TDRP: variants seen among roughly 807,000 people sequenced by gnomAD.
The protein encoded by TDRP is testis development related protein.
Under a neutral mutation model 10.5 loss-of-function variants are expected in TDRP, and 12 were observed. The observed-to-expected ratio is 1.15, with a 90% CI of 0.73 to 1.86. The LOEUF is 1.86. Ranked by LOEUF, TDRP falls within the 40% of genes most tolerant of loss-of-function variation. The pLI is 0.00. For missense variants in TDRP, 353 were observed against 229.2 expected (o/e 1.54, Z -3.49); for synonymous variants, 139 against 95.4 (o/e 1.46, Z -2.67).
At chr8:499,497 C>G (rs1373546590) in intron 1 of TDRP, among the ~76,000 whole-genome samples, 2 of 152,202 alleles carry the variant, frequency 1.3e-5, no homozygotes, top group African/African-American at 4.8e-5. Flanking sequence ...CATCCCACCA[C>G]CAGCTTCCTG....
At chr8:527,348 A>G (rs1329252771) in intron 1 of TDRP, among the ~76,000 whole-genome samples, 2 of 152,178 alleles carry the variant, frequency 1.3e-5, no homozygotes, top group East Asian at 3.8e-4. Flanking sequence ...GCCCAAAGCA[A>G]TCTACAGATT....
rs1253364073 is a variant in TDRP, at chr8:490,181, A to G, written c.*2218T>C. 1 of 152,228 alleles carries G rather than the reference A, an allele frequency of 6.6e-6. No individual in the cohort carries two copies. Among genetic ancestry groups the G allele is most frequent in the Non-Finnish European group, 1.5e-5 (1 of 68,042 alleles). 9.4% of individuals were successfully genotyped at this position (152,228 alleles called of 1,614,324 possible). On this transcript the variant is annotated 3_prime_UTR_variant, in exon 3 of 3. Transcript: ENST00000324079. ...ATTTGCTTTGATAACTTCTTTCAAG[A>G]AAAGATAATTTTTCTCCCAAAGCAC... is the stretch of plus-strand genomic sequence containing the variant.
At chr8:510,553 G>C (rs1308446820) in intron 1 of TDRP, among the ~76,000 whole-genome samples, 2 of 152,126 alleles carry the variant, frequency 1.3e-5, no homozygotes, top group African/African-American at 4.8e-5. Flanking sequence ...TAAAAACAAT[G>C]AATGCCGGAA....
rs1336680453 is a variant in TDRP at position 490,118 on chromosome 8, C to G, written c.*2281G>C. On this transcript the variant is annotated 3_prime_UTR_variant, in exon 3 of 3. Transcript: ENST00000324079. ...TTTACACAATTCAAACACCCAGAATCAAAACCACATTCTCCCATTAACTTG... is the reference window on the plus strand; with the variant it reads ...TTTACACAATTCAAACACCCAGAATGAAAACCACATTCTCCCATTAACTTG... The G allele has an allele frequency of 6.6e-6, 1 of 152,174 alleles. No homozygotes were observed. Among genetic ancestry groups the G allele is most frequent in the Non-Finnish European group, 1.5e-5 (1 of 68,024 alleles). The allele number at this position is 152,174 out of a possible 1,614,324, so 9.4% of individuals were successfully genotyped here.
chr8:491,472 C>G lies in TDRP; in HGVS notation c.*927G>C. On this transcript the variant is annotated 3_prime_UTR_variant, in exon 3 of 3. Coordinates refer to ENST00000324079, the MANE Select transcript of TDRP (RefSeq NM_001384899.1). ...GCTCTCAAACCGGTCGTCGATTATT[C>G]TTGTGGAAAAAACACAGCTTCTTAC... The G allele has an allele frequency of 1.3e-6, 1 of 786,970 alleles. No homozygotes were observed. Among genetic ancestry groups the G allele is most frequent in the Non-Finnish European group, 1.8e-6 (1 of 544,222 alleles). The allele number at this position is 786,970 out of a possible 1,614,324, so 48.7% of individuals were successfully genotyped here.
At chr8:495,664 T>C (rs568685914) in intron 1 of TDRP, among the ~76,000 whole-genome samples, 2 of 152,334 alleles carry the variant, frequency 1.3e-5, no homozygotes, top group East Asian at 1.9e-4. Context: ...GAGCCAGCTT[T>C]AGAATACTTT....
intron 1 of TDRP, among the ~76,000 whole-genome samples, chr8:521,009 C>G (rs1245451597): frequency 2.0e-5 from 3 of 152,024 alleles, no homozygotes. Context: ...ATTGCCAAAT[C>G]CAATGCCCTG....
intron 1 of TDRP, among the ~76,000 whole-genome samples, chr8:539,405 A>C (rs1802432928): frequency 6.6e-6 from 1 of 152,148 alleles, no homozygotes; most frequent in Admixed American, 6.5e-5. Flanking sequence ...TGGAGAAATA[A>C]ATGTTTGTTG....
intron 1 of TDRP, among the ~76,000 whole-genome samples, chr8:524,197 T>C (rs562957239): frequency 4.6e-5 from 7 of 152,156 alleles, no homozygotes; most frequent in East Asian, 1.9e-4. Flanking sequence ...CAAAACCAAG[T>C]TGGTATGTCT....
At chr8:529,593 G>A (rs1381491922) in intron 1 of TDRP, among the ~76,000 whole-genome samples, 2 of 152,098 alleles carry the variant, frequency 1.3e-5, no homozygotes, top group African/African-American at 2.4e-5. Flanking sequence ...ATCTGGGAAG[G>A]TCTTTATTTG....
chr8:500,231 G>T (rs574399857), intron 1 of TDRP, among the ~76,000 whole-genome samples: 2 of 152,126 alleles, frequency 1.3e-5, no homozygotes, highest in Non-Finnish European at 2.9e-5. Context: ...GTTTCATGAA[G>T]AAAATCTATG....
intron 1 of TDRP, among the ~76,000 whole-genome samples, chr8:538,401 G>C (rs1174772828): frequency 6.6e-6 from 1 of 152,196 alleles, no homozygotes; most frequent in Non-Finnish European, 1.5e-5. Context: ...CAGCTGTGTA[G>C]CCTTCCCGGT....
At chr8:539,206 T>C (rs1229533079) in intron 1 of TDRP, among the ~76,000 whole-genome samples, 1 of 152,096 alleles carries the variant, frequency 6.6e-6, no homozygotes, top group East Asian at 1.9e-4. Flanking sequence ...TAAGAGGTGA[T>C]CAGGGTGAGA....
At chr8:510,832 T>C (rs748726541) in intron 1 of TDRP, among the ~76,000 whole-genome samples, 72 of 152,268 alleles carry the variant, frequency 4.7e-4, no homozygotes, top group Middle Eastern at 3.4e-3. Context: ...AATTATAAAA[T>C]ACAGTACAGA....
intron 2 of TDRP, among the ~76,000 whole-genome samples, chr8:493,523 G>C (rs920630494): frequency 6.6e-6 from 1 of 152,224 alleles, no homozygotes; most frequent in African/African-American, 2.4e-5. Context: ...TCAAACAAAA[G>C]CCAACTCTGT....
In TDRP at chr8:491,371, G is replaced by A. The variant is rs1585129679; in HGVS notation, c.*1028C>T. The stretch of plus-strand genomic sequence containing the variant: ...TGATAAGAGCCAACCTTCCAGGGAC[G>A]CATAACTGGCACCTGATACTGTGCA... On this transcript the variant is annotated 3_prime_UTR_variant, in exon 3 of 3. Transcript: ENST00000324079. 1.1e-5 allele frequency: 4 copies of A among 371,364 alleles called. No homozygotes were observed. Among genetic ancestry groups the A allele is most frequent in the African/African-American group, 6.2e-5 (3 of 48,050 alleles). 23.0% of individuals were successfully genotyped at this position (371,364 alleles called of 1,614,324 possible).
At chr8:544,978 C>G (rs1802602265), upstream of TDRP, 1 of 332,806 alleles carries the variant, frequency 3.0e-6, no homozygotes, top group Admixed American at 4.9e-5. Flanking sequence ...AAACCATCCC[C>G]AGAACCAGGC....
At chr8:532,153 C>T (rs1226647145) in intron 1 of TDRP, among the ~76,000 whole-genome samples, 1 of 152,224 alleles carries the variant, frequency 6.6e-6, no homozygotes, top group Non-Finnish European at 1.5e-5. Flanking sequence ...AAAGAGAGTG[C>T]ACCACATCCA....
intron 1 of TDRP, among the ~76,000 whole-genome samples, chr8:528,748 G>C (rs116768454): frequency 0.013 from 1,919 of 152,184 alleles, 46 homozygotes; most frequent in African/African-American, 0.044. Flanking sequence ...CCCTGTACCA[G>C]TCAGGGTTCT....
Sources: gnomAD v4.1 joint callset for allele counts (sites outside exome capture counted in the v4.1 genomes callset) on GRCh38, gnomAD v4.1.1 for gene constraint, MANE v1.5 for transcripts, NCBI Gene and HGNC (gene_info 2026-07-23, HGNC 2026-07-21) for gene names.